The following TMEM223 variants were observed in gnomAD, a reference collection of about 807,000 sequenced individuals.
The protein encoded by TMEM223 is transmembrane protein 223.
TMEM223 carries 14 observed loss-of-function variants against 14.1 expected under a neutral mutation model. That is an observed-to-expected ratio of 0.99 (90% CI 0.66 to 1.55). TMEM223 has a LOEUF of 1.55. TMEM223 is among the 40% of genes most tolerant of loss of function. The pLI, the probability that TMEM223 is intolerant of heterozygous loss-of-function variation, is 0.00. For synonymous variants in TMEM223, 145 were observed against 120.5 expected (o/e 1.20, Z -1.33); for missense variants, 346 against 269.9 (o/e 1.28, Z -1.97).
At chr11:62,789,406 C>T (rs2084331753), downstream of TMEM223, 1 of 1,613,960 alleles carries the variant, frequency 6.2e-7, no homozygotes, top group Non-Finnish European at 8.5e-7. Context: ...ACTCCATCAT[C>T]TCCTTGAACA....
chr11:62,787,843 A>G (rs2134736250), downstream of TMEM223: 1 of 642,162 alleles, frequency 1.6e-6, no homozygotes, highest in Non-Finnish European at 2.9e-6. Flanking sequence ...TCAGTGCAGA[A>G]CCTGCGTCCA....
At chr11:62,772,513 A>ACATCAGACATCATCT (rs1403401501) in intron 2 of TMEM223, among the ~76,000 whole-genome samples, 2 of 144,644 alleles carry the variant, frequency 1.4e-5, no homozygotes, top group East Asian at 2.1e-4. Flanking sequence ...ACAGAGCGAG[A>ACATCAGACATCATCT]CTGTGTCTCC....
At chr11:62,771,646 C>T (rs992683592), downstream of TMEM223, 1 of 177,456 alleles carries the variant, frequency 5.6e-6, no homozygotes, top group South Asian at 9.8e-5. Context: ...CGCACCCCCT[C>T]CCCGATCTGG....
At position 62,790,896 on chromosome 11, in the gene TMEM223, A is replaced by G. The variant is rs760317082; in HGVS notation, c.336T>C (p.Ala112=). ...CAGACCGGAGAGAGAAGAGAAGACC[A>G]GCACCGAGTACGAGGGCTCCTGCAG... ...CGAIGALVLG[A]GLLFSLRSVR... Residue 112 remains alanine (A), a synonymous_variant, in exon 2 of 2, where the codon GCT becomes GCC. Coordinates refer to ENST00000307366, the MANE Select transcript of TMEM223 (RefSeq NM_001080501.3). The G allele has an allele frequency of 3.9e-5, 62 of 1,590,122 alleles. No homozygotes were observed. The Admixed American group carries it at 9.9e-4, about 25-fold the overall frequency.
At chr11:62,779,187 ATTTTG>A (rs761827013) in intron 1 of TMEM223, among the ~76,000 whole-genome samples, 4 of 151,156 alleles carry the variant, frequency 2.6e-5, no homozygotes, top group Admixed American at 6.6e-5. Context: ...TGCCCGGCTA[ATTTTG>A]TTTTGTTTTG....
At chr11:62,789,970 C>T (rs763026463), downstream of TMEM223, 10 of 1,614,090 alleles carry the variant, frequency 6.2e-6, no homozygotes, top group East Asian at 2.2e-5. Context: ...CACCCCATAC[C>T]GGCCTCTGGA....
In TMEM223 at chr11:62,791,913, T is replaced by C. The variant is rs2584918; in HGVS notation, c.82A>G (p.Thr28Ala). Reference sequence around the variant, plus strand: ...AGCAGCACATCCCGTTGCAGCGTCGTGCCTTGCAGGGGCCGGCAGGTGAGC... The same window carrying C: ...AGCAGCACATCCCGTTGCAGCGTCGCGCCTTGCAGGGGCCGGCAGGTGAGC... ...PLLTCRPLQG[T>A]TLQRDVLLFE... Residue 28 changes from threonine (T) to alanine (A), a missense_variant, in exon 1 of 2, where the codon ACG (threonine) becomes GCG (alanine). Physicochemically the swap from Thr to Ala is moderately conservative, Grantham distance 58 (BLOSUM62 0). Coordinates refer to ENST00000307366, the MANE Select transcript of TMEM223 (RefSeq NM_001080501.3). The C allele has an allele frequency of 0.065, 103,934 of 1,599,980 alleles. 4,924 individuals are homozygous for C. Among genetic ancestry groups the C allele is most frequent in the African/African-American group, 0.21 (15,827 of 74,738 alleles).
chr11:62,778,823 G>C (rs2084205999), intron 1 of TMEM223: 1 of 1,546,686 alleles, frequency 6.5e-7, no homozygotes. Context: ...GGCCAGGAGA[G>C]GGCCAGCTCT....
Position 62,790,643 on chromosome 11 carries a change from C to T in TMEM223, c.589G>A (p.Gly197Ser). The stretch of plus-strand genomic sequence containing the variant: ...TTTCTTCACAAGCTCCGGTAGGCAC[C>T]CACAGTATTGTCAAAGAGTTTTGTG... ...PNTKLFDNTVGAYRSL is the reference protein window; with the variant it reads ...PNTKLFDNTVSAYRSL Residue 197 changes from glycine (G) to serine (S), a missense_variant, in exon 2 of 2, where the codon GGT (glycine) becomes AGT (serine). By Grantham distance (56) the Gly-to-Ser change is moderately conservative. Transcript: ENST00000307366. 1 of 1,610,290 alleles carries T rather than the reference C, an allele frequency of 6.2e-7. No homozygotes were observed. The highest frequency in any genetic ancestry group is 8.5e-7 in the Non-Finnish European group (1 of 1,177,480).
chr11:62,777,606 G>T (rs1439124026), intron 1 of TMEM223, among the ~76,000 whole-genome samples: 1 of 152,220 alleles, frequency 6.6e-6, no homozygotes, highest in Non-Finnish European at 1.5e-5. Flanking sequence ...AACAGTGTGG[G>T]TGTTAGGGCC....
At chr11:62,775,762 C>T (rs200419717) in intron 1 of TMEM223, 17 of 1,594,696 alleles carry the variant, frequency 1.1e-5, no homozygotes, top group East Asian at 2.2e-5. Context: ...CTTCATTCTC[C>T]ACTCCCAGCT....
At chr11:62,773,682 A>AATCAAGGCG (rs2084165963) in intron 2 of TMEM223, among the ~76,000 whole-genome samples, 2 of 151,610 alleles carry the variant, frequency 1.3e-5, no homozygotes, top group African/African-American at 4.9e-5. Context: ...TCCTGACCTC[A>AATCAAGGCG]GGTGATTCGC....
At chr11:62,787,688 C>T, downstream of TMEM223, 1 of 963,312 alleles carries the variant, frequency 1.0e-6, no homozygotes, top group Non-Finnish European at 1.5e-6. Flanking sequence ...CGAGGCTAAT[C>T]GCGCTTTGTG....
Position 62,782,170 on chromosome 11 carries a change from A to G in TMEM223, c.315-7505T>C. ...GCACCGGCTGCTGCAGGTGGCACGGAGCCTATTTCGTAATCCGCACCTGTG... is the reference window on the plus strand; with the variant it reads ...GCACCGGCTGCTGCAGGTGGCACGGGGCCTATTTCGTAATCCGCACCTGTG... On this transcript the variant is annotated intron_variant, in intron 1 of 2. Transcript: ENST00000528367. 1.9e-6 allele frequency: 3 copies of G among 1,613,954 alleles called. No individual in the cohort carries two copies. In the South Asian group the frequency reaches 3.3e-5, roughly 18 times the overall value.
downstream of TMEM223, chr11:62,787,406 C>G (rs927198942): frequency 1.9e-6 from 3 of 1,555,832 alleles, no homozygotes; most frequent in Non-Finnish European, 2.6e-6. Flanking sequence ...GCTGCTGCAG[C>G]GGCGCTTCCT....
At chr11:62,773,513 TC>T (rs994846276) in intron 2 of TMEM223, among the ~76,000 whole-genome samples, 1 of 150,910 alleles carries the variant, frequency 6.6e-6, no homozygotes, top group African/African-American at 2.4e-5. Flanking sequence ...ACTGGTGCGA[TC>T]TTGACTCACT....
downstream of TMEM223, chr11:62,787,531 C>G (rs555442323): frequency 6.4e-7 from 1 of 1,559,788 alleles, no homozygotes; most frequent in East Asian, 2.3e-5. Flanking sequence ...GACCCAGGTG[C>G]GGCTGCGGGG....
chr11:62,782,082 G>C (rs1350765388), intron 1 of TMEM223: 13 of 1,591,062 alleles, frequency 8.2e-6, no homozygotes, highest in Non-Finnish European at 1.0e-5. Context: ...GTCCCCTCAT[G>C]TCCCTGTAAG....
At chr11:62,789,042 G>A, downstream of TMEM223, 1 of 1,613,024 alleles carries the variant, frequency 6.2e-7, no homozygotes, top group Non-Finnish European at 8.5e-7. Context: ...AGTGGTAGAT[G>A]TCCCCTGTAT....
Sources: gnomAD v4.1 joint callset for allele counts (sites outside exome capture counted in the v4.1 genomes callset) on GRCh38, gnomAD v4.1.1 for gene constraint, MANE v1.5 for transcripts, NCBI Gene and HGNC (gene_info 2026-07-23, HGNC 2026-07-21) for gene names.